The following FRAS1 variants were observed in gnomAD, a reference collection of about 807,000 sequenced individuals.
FRAS1 encodes the protein extracellular matrix organizing protein FRAS1.
A neutral mutation model predicts 435.2 loss-of-function variants in FRAS1; 290 were observed. The observed-to-expected ratio is 0.67, with a 90% confidence interval of 0.61 to 0.73. The LOEUF (loss-of-function observed/expected upper bound fraction) is 0.73. Among genes scored for constraint, FRAS1 ranks in the 30% least tolerant of loss-of-function variants. FRAS1 has a pLI of 0.00. For missense variants in FRAS1, 4,860 were observed against 5,001.5 expected, an observed-to-expected ratio of 0.97 and a Z score of 0.85; for synonymous variants, 1,800 against 1,851.0, an observed-to-expected ratio of 0.97 and a Z score of 0.71.
chr4:78,061,928 G>C (rs1383972031), intron 1 of FRAS1, among the ~76,000 whole-genome samples: 1 of 152,154 alleles, frequency 6.6e-6, no homozygotes, highest in Admixed American at 6.5e-5. Flanking sequence ...GTTAGATGAT[G>C]GTTGTAACTT....
chr4:78,277,225 T>G (rs1435699037), intron 9 of FRAS1, among the ~76,000 whole-genome samples: 3 of 152,178 alleles, frequency 2.0e-5, no homozygotes, highest in Non-Finnish European at 4.4e-5. Context: ...CAGCTTCCCT[T>G]GGCTAGGAAA....
At chr4:78,449,552 G>A (rs1450032175) in intron 44 of FRAS1, among the ~76,000 whole-genome samples, 1 of 152,124 alleles carries the variant, frequency 6.6e-6, no homozygotes, top group African/African-American at 2.4e-5. Context: ...GGGTAATAAA[G>A]CAAGTGACAA....
rs1036357322 is a variant in FRAS1, at chr4:78,278,859, G to T, written c.1071+115G>T. On this transcript the variant is annotated intron_variant, in intron 10 of 73. Transcript: ENST00000512123. ...ATTCATTTGTTCAACAAATGTTATT[G>T]TGCACCTACTGTACAACAGGCTCTG... 4 of 681,378 alleles carry T rather than the reference G, an allele frequency of 5.9e-6. No individual in the cohort carries two copies. The Admixed American group carries it at 1.0e-4, about 17-fold the overall frequency. The allele number at this position is 681,378 out of a possible 1,614,324, so 42.2% of individuals were successfully genotyped here. A position where few individuals can be genotyped will look rare whatever the true frequency, so the allele number is the denominator to read the frequency against.
intron 35 of FRAS1, 77 bp from the exon 36 acceptor site, chr4:78,429,018 G>A: frequency 2.0e-6 from 3 of 1,471,180 alleles, no homozygotes; most frequent in East Asian, 2.5e-5. Context: ...CAGACTACAA[G>A]TTGATTCGTG....
At position 78,117,733 on chromosome 4, in the gene FRAS1, A is replaced by AT. The variant is rs1225113413; in HGVS notation, c.108+51726dup. On this transcript the variant is annotated intron_variant, in intron 2 of 73. Transcript: ENST00000512123. Reference sequence around the variant, plus strand: ...GTTATTCTAGTTAGCCATTCATCTAATTTTTTTTTCAAGGTTTTTAACTTC... The same window carrying AT: ...GTTATTCTAGTTAGCCATTCATCTAATTTTTTTTTTCAAGGTTTTTAACTTC... Among the ~76,000 whole-genome samples, 32 of 151,964 alleles carry AT rather than the reference A, an allele frequency of 2.1e-4. 1 individual carries two copies. Among genetic ancestry groups the AT allele is most frequent in the Middle Eastern group, 3.4e-3 (1 of 294 alleles).
At chr4:78,406,832 A>G (rs1406882901) in intron 30 of FRAS1, among the ~76,000 whole-genome samples, 1 of 152,174 alleles carries the variant, frequency 6.6e-6, no homozygotes, top group Non-Finnish European at 1.5e-5. Flanking sequence ...TATGTCTTCC[A>G]CTGTTAGCTA....
intron 6 of FRAS1, among the ~76,000 whole-genome samples, chr4:78,262,980 T>G (rs775700496): frequency 2.6e-5 from 4 of 152,228 alleles, no homozygotes; most frequent in Non-Finnish European, 5.9e-5. Flanking sequence ...GGCATAGCTA[T>G]GTTCCAGTAA....
intron 63 of FRAS1, 23 bp from the exon 64 acceptor site, chr4:78,511,251 A>AGGTGAT: frequency 6.5e-7 from 1 of 1,544,954 alleles, no homozygotes; most frequent in Non-Finnish European, 8.8e-7. Flanking sequence ...CTCACATTGG[A>AGGTGAT]GGTGATTTTT....
At chr4:78,242,890 G>GATATAGAA (rs2110120984) in intron 3 of FRAS1, among the ~76,000 whole-genome samples, 1 of 152,190 alleles carries the variant, frequency 6.6e-6, no homozygotes, top group African/African-American at 2.4e-5. Flanking sequence ...ATAATCACAG[G>GATATAGAA]TCGTGGATTC....
chr4:78,113,678 TG>T (rs1328539485), intron 2 of FRAS1, among the ~76,000 whole-genome samples: 1 of 152,208 alleles, frequency 6.6e-6, no homozygotes, highest in African/African-American at 2.4e-5. Flanking sequence ...TGGGGTTGTT[TG>T]TTTTTTTCTT....
intron 46 of FRAS1, 109 bp from the exon 47 acceptor site, chr4:78,452,066 C>A (rs1719043239): frequency 2.3e-6 from 3 of 1,309,888 alleles, no homozygotes; most frequent in Non-Finnish European, 3.2e-6. Context: ...TGCTCTCTAA[C>A]ACACAGGCCT....
chr4:78,317,558 A>G, intron 17 of FRAS1, 50 bp downstream of exon 17: 1 of 1,534,208 alleles, frequency 6.5e-7, no homozygotes, highest in Non-Finnish European at 8.8e-7. Context: ...ACAAGAACAT[A>G]GATTTACTTT....
intron 27 of FRAS1, among the ~76,000 whole-genome samples, chr4:78,382,761 T>C (rs2110323693): frequency 6.6e-6 from 1 of 152,336 alleles, no homozygotes; most frequent in Admixed American, 6.5e-5. Flanking sequence ...ACAACCATAG[T>C]CAATATGTAA....
At chr4:78,226,548 T>C (rs1724282328) in intron 2 of FRAS1, among the ~76,000 whole-genome samples, 1 of 152,058 alleles carries the variant, frequency 6.6e-6, no homozygotes, top group Non-Finnish European at 1.5e-5. Context: ...TGTGGAGAAG[T>C]TAGCTATCAG....
In FRAS1 at chr4:78,126,005, A is replaced by T. The variant is rs186954166; in HGVS notation, c.108+59989A>T. Among the ~76,000 whole-genome samples, 106 of 152,338 alleles carry T rather than the reference A, an allele frequency of 7.0e-4. 1 individual carries two copies. The highest frequency in any genetic ancestry group is 1.2e-3 in the Admixed American group (19 of 15,306). ...CCCCAGAGGTGGAATCTGGACAGGC[A>T]GTAGGCCTTGCTGAGCTGCAGTGGG... On this transcript the variant is annotated intron_variant, in intron 2 of 73. Coordinates refer to ENST00000512123, the MANE Select transcript of FRAS1 (RefSeq NM_025074.7).
In FRAS1 at chr4:78,364,022, G is replaced by C. The variant is rs1162697708; in HGVS notation, c.2690G>C (p.Gly897Ala). The C allele has an allele frequency of 1.3e-5, 21 of 1,600,542 alleles. No homozygotes were observed. Among genetic ancestry groups the C allele is most frequent in the Non-Finnish European group, 1.8e-5 (21 of 1,173,220 alleles). ...TGTCSTTCFP[G>A]HYLDDNHVCQ... ...ACCTGCAGCACCACCTGCTTCCCTG[G>C]GCACTATCTTGATGACAATCATGTT... Residue 897 changes from glycine (G) to alanine (A), a missense_variant, in exon 22 of 74, where the codon GGG (glycine) becomes GCG (alanine). Coordinates refer to ENST00000512123, the MANE Select transcript of FRAS1 (RefSeq NM_025074.7).
chr4:78,161,687 G>GTGCTTTATTGTGCCAC (rs1225936974), intron 2 of FRAS1, among the ~76,000 whole-genome samples: 2 of 125,540 alleles, frequency 1.6e-5, no homozygotes, highest in Non-Finnish European at 3.2e-5. Flanking sequence ...GTGTAATACT[G>GTGCTTTATTGTGCCAC]TGCTTTATTG....
intron 33 of FRAS1, among the ~76,000 whole-genome samples, chr4:78,421,598 C>T (rs776720195): frequency 1.3e-5 from 2 of 152,180 alleles, no homozygotes; most frequent in Non-Finnish European, 2.9e-5. Flanking sequence ...TACTTTGCAT[C>T]CTTCAATCCA....
intron 1 of FRAS1, among the ~76,000 whole-genome samples, chr4:78,064,173 G>C (rs565320165): frequency 6.6e-6 from 1 of 150,638 alleles, no homozygotes; most frequent in East Asian, 1.9e-4. Context: ...TTTATCTCAA[G>C]TTATTCTTAT....
Sources: gnomAD v4.1 joint callset for allele counts (sites outside exome capture counted in the v4.1 genomes callset) on GRCh38, gnomAD v4.1.1 for gene constraint, MANE v1.5 for transcripts, NCBI Gene and HGNC (gene_info 2026-07-23, HGNC 2026-07-21) for gene names.